The following EFL1 variants were observed in gnomAD, a reference collection of about 807,000 sequenced individuals.
The protein encoded by EFL1 is elongation factor like GTPase 1, also known as elongation factor-like GTPase 1.
Under a neutral mutation model 126.7 loss-of-function variants are expected in EFL1, and 76 were observed. The observed-to-expected ratio is 0.60, with a 90% CI of 0.50 to 0.73. The LOEUF (loss-of-function observed/expected upper bound fraction) is 0.73. EFL1 is among the 30% of genes least tolerant of loss of function. The pLI, the probability that EFL1 is intolerant of heterozygous loss-of-function variation, is 0.00. For missense variants in EFL1, 1,128 were observed against 1,343.2 expected (o/e 0.84, Z 2.50); for synonymous variants, 410 against 448.4 (o/e 0.91, Z 1.08).
intron 15 of EFL1, among the ~76,000 whole-genome samples, chr15:82,194,416 GA>G (rs1386714915): frequency 6.6e-6 from 1 of 152,112 alleles, no homozygotes; most frequent in Non-Finnish European, 1.5e-5. Flanking sequence ...ACACAAAGGA[GA>G]ACATTTCAGT....
chr15:82,142,285 G>A (rs902810781), intron 18 of EFL1, among the ~76,000 whole-genome samples: 3 of 152,142 alleles, frequency 2.0e-5, no homozygotes, highest in African/African-American at 7.2e-5. Flanking sequence ...TGGGAGGAAC[G>A]CTTGAGACCA....
intron 18 of EFL1, among the ~76,000 whole-genome samples, chr15:82,148,114 T>TG (rs2073867953): frequency 1.3e-5 from 2 of 152,062 alleles, no homozygotes; most frequent in Admixed American, 1.3e-4. Context: ...CAGGGTGGGA[T>TG]TACGCCTGTA....
intron 15 of EFL1, among the ~76,000 whole-genome samples, chr15:82,212,392 A>G (rs1018496098): frequency 2.0e-5 from 3 of 152,276 alleles, no homozygotes; most frequent in African/African-American, 7.2e-5. Context: ...AAACAAGCCC[A>G]GCAAGGTTAC....
At chr15:82,207,266 A>T (rs1415169628) in intron 15 of EFL1, among the ~76,000 whole-genome samples, 1 of 142,866 alleles carries the variant, frequency 7.0e-6, no homozygotes, top group African/African-American at 2.8e-5. Flanking sequence ...AAGGTAACAT[A>T]TATATATATT....
intron 19 of EFL1, among the ~76,000 whole-genome samples, chr15:82,132,028 C>G (rs1175745203): frequency 6.6e-6 from 1 of 152,126 alleles, no homozygotes; most frequent in Non-Finnish European, 1.5e-5. Context: ...GATGGAAAAA[C>G]CTCACTGAGT....
chr15:82,135,848 G>A (rs995273123), intron 19 of EFL1, among the ~76,000 whole-genome samples: 1 of 152,164 alleles, frequency 6.6e-6, no homozygotes, highest in African/African-American at 2.4e-5. Flanking sequence ...ATGCAGATGT[G>A]ATGCGGGAGG....
At chr15:82,232,481 C>A (rs2074832487) in intron 7 of EFL1, among the ~76,000 whole-genome samples, 2 of 152,152 alleles carry the variant, frequency 1.3e-5, no homozygotes, top group Non-Finnish European at 2.9e-5. Flanking sequence ...AAAATCGCCC[C>A]CAAACCATGT....
At chr15:82,226,766 A>G (rs1479646143) in intron 11 of EFL1, among the ~76,000 whole-genome samples, 1 of 152,222 alleles carries the variant, frequency 6.6e-6, no homozygotes, top group Non-Finnish European at 1.5e-5. Context: ...CAAAAGAGGG[A>G]CTACAGATAA....
intron 3 of EFL1, among the ~76,000 whole-genome samples, 196 bp from the exon 4 acceptor site, chr15:82,252,971 C>T (rs2075036575): frequency 6.6e-6 from 1 of 152,050 alleles, no homozygotes; most frequent in Non-Finnish European, 1.5e-5. Context: ...CCACCGTGGC[C>T]TCCCAAAGTG....
chr15:82,168,572 C>T (rs1276926347), intron 15 of EFL1, among the ~76,000 whole-genome samples: 1 of 152,154 alleles, frequency 6.6e-6, no homozygotes, highest in East Asian at 1.9e-4. Flanking sequence ...GTGCTTGTGG[C>T]GCGAGGTCAG....
At chr15:82,183,236 T>A (rs62012003) in intron 15 of EFL1, among the ~76,000 whole-genome samples, 25,762 of 152,262 alleles carry the variant, frequency 0.17, 2,547 homozygotes, top group Non-Finnish European at 0.24. Flanking sequence ...AATAATTTTG[T>A]CCTTAAAGTA....
Position 82,228,201 on chromosome 15 carries a change from A to G in EFL1, c.1059T>C (p.His353=). Residue 353 remains histidine, a synonymous_variant, in exon 10 of 20, where the codon CAT becomes CAC. Transcript: ENST00000268206. The part of the protein sequence containing the change: ...AICSQWLPIS[H]AVLAMVCQKL... Reference sequence around the variant, plus strand: ...TAGAATAAAGGATACCAAGAACAGCATGGGATATGGGTAGCCACTGACTGC... The same window carrying G: ...TAGAATAAAGGATACCAAGAACAGCGTGGGATATGGGTAGCCACTGACTGC... 1 of 1,611,310 alleles carries G rather than the reference A, an allele frequency of 6.2e-7. No homozygotes were observed. The highest frequency in any genetic ancestry group is 8.5e-7 in the Non-Finnish European group (1 of 1,179,376).
chr15:82,208,998 A>G, intron 15 of EFL1, among the ~76,000 whole-genome samples: 1 of 152,284 alleles, frequency 6.6e-6, no homozygotes, highest in South Asian at 2.1e-4. Flanking sequence ...CTAGGAAAAA[A>G]GAGAATAAAA....
At chr15:82,227,729 C>A (rs2074779694) in intron 10 of EFL1, among the ~76,000 whole-genome samples, 157 bp from the exon 11 acceptor site, 1 of 152,176 alleles carries the variant, frequency 6.6e-6, no homozygotes, top group Non-Finnish European at 1.5e-5. Context: ...CATCTCAAAA[C>A]ATGCATACAA....
intron 2 of EFL1, among the ~76,000 whole-genome samples, chr15:82,260,092 C>CAT (rs2075100407): frequency 6.6e-6 from 1 of 152,176 alleles, no homozygotes; most frequent in Non-Finnish European, 1.5e-5. Flanking sequence ...CAACGCTTGT[C>CAT]ATATAGAAGA....
At chr15:82,178,827 C>T (rs1166779734) in intron 15 of EFL1, among the ~76,000 whole-genome samples, 1 of 152,112 alleles carries the variant, frequency 6.6e-6, no homozygotes, top group Non-Finnish European at 1.5e-5. Context: ...TGGTACTTAA[C>T]TGTTTGCATT....
chr15:82,132,099 TG>T (rs2073654960), intron 19 of EFL1, among the ~76,000 whole-genome samples: 1 of 152,170 alleles, frequency 6.6e-6, no homozygotes, highest in Non-Finnish European at 1.5e-5. Context: ...TGGAAATCTG[TG>T]GGCACCTGCA....
chr15:82,220,881 T>C (rs543719329), intron 12 of EFL1, among the ~76,000 whole-genome samples: 1 of 152,148 alleles, frequency 6.6e-6, no homozygotes, highest in East Asian at 1.9e-4. Context: ...AAAAAGGTGT[T>C]GACAAAAGGG....
intron 4 of EFL1, among the ~76,000 whole-genome samples, chr15:82,247,249 G>C (rs1357868440): frequency 1.3e-5 from 2 of 152,134 alleles, no homozygotes; most frequent in Non-Finnish European, 2.9e-5. Context: ...GTCGAAGATG[G>C]ATAGCTCAAG....
Sources: gnomAD v4.1 joint callset for allele counts (sites outside exome capture counted in the v4.1 genomes callset) on GRCh38, gnomAD v4.1.1 for gene constraint, MANE v1.5 for transcripts, NCBI Gene and HGNC (gene_info 2026-07-23, HGNC 2026-07-21) for gene names.